Variants in NEIL3 observed in about 807,000 individuals in gnomAD.
NEIL3 encodes nei like DNA glycosylase 3.
A neutral mutation model predicts 57.5 loss-of-function variants in NEIL3; 48 were observed. The observed-to-expected ratio is 0.83, with a 90% CI of 0.66 to 1.06. The LOEUF is 1.06. NEIL3 is among the 50% of genes least tolerant of loss of function. The pLI is 0.00. For missense variants in NEIL3, 717 were observed against 739.1 expected (o/e 0.97, Z 0.35); for synonymous variants, 261 against 253.2 (o/e 1.03, Z -0.29).
intron 6 of NEIL3, 100 bp from the exon 7 acceptor site, chr4:177,351,280 G>A (rs763011252): frequency 4.3e-6 from 2 of 462,224 alleles, no homozygotes; most frequent in Non-Finnish European, 7.2e-6. Flanking sequence ...ATAATAAAGA[G>A]ATAGCATTGG....
At position 177,355,535 on chromosome 4, in the gene NEIL3, G is replaced by T. The variant is rs553554676; in HGVS notation, c.1460+1807G>T. Reference sequence around the variant, plus strand: ...TTATTTTTTGTTTCCAAATATTTTCGATCCAAGGTTGGTTGAATTCATGGA... The same window carrying T: ...TTATTTTTTGTTTCCAAATATTTTCTATCCAAGGTTGGTTGAATTCATGGA... On this transcript the variant is annotated intron_variant, in intron 8 of 9. Transcript: ENST00000264596. Among the ~76,000 whole-genome samples, 7 of 151,700 alleles carry T rather than the reference G, an allele frequency of 4.6e-5. No homozygotes were observed. In the South Asian group the frequency reaches 8.3e-4, roughly 18 times the overall value.
In NEIL3 at chr4:177,320,579, G is replaced by A. The variant is rs1578987935; in HGVS notation, c.157-1880G>A. 2.2e-5 allele frequency among the ~76,000 whole-genome samples: 3 copies of A among 139,432 alleles called. No individual in the cohort carries two copies. In the East Asian group the frequency reaches 7.3e-4, roughly 34 times the overall value. 91.5% of individuals were successfully genotyped at this position (139,432 alleles called of 152,430 possible). A position where few individuals can be genotyped will look rare whatever the true frequency, so the allele number is the denominator to read the frequency against. ...TGCAAGCTCCACCTCCAGGGTTCACGCCATTCTCCTGACTCAGCCTCCCGA... is the reference window on the plus strand; with the variant it reads ...TGCAAGCTCCACCTCCAGGGTTCACACCATTCTCCTGACTCAGCCTCCCGA... On this transcript the variant is annotated intron_variant, in intron 1 of 9. Transcript: ENST00000264596.
rs112445211 is a variant in NEIL3, at chr4:177,331,143, A to G, written c.279-4545A>G. 8.8e-3 allele frequency among the ~76,000 whole-genome samples: 1,334 copies of G among 152,310 alleles called. 19 individuals carry two copies. The highest frequency in any genetic ancestry group is 0.03 in the African/African-American group (1,266 of 41,574). On this transcript the variant is annotated intron_variant, in intron 2 of 9. Coordinates refer to ENST00000264596, the MANE Select transcript of NEIL3 (RefSeq NM_018248.3). The stretch of plus-strand genomic sequence containing the variant: ...AAAGTAAAAATATGAGTTATTTTCT[A>G]TGTTTTAAATAAGTTGAGTTGATAG...
At position 177,309,940 on chromosome 4, in the gene NEIL3, T is replaced by C; in HGVS notation, c.-14T>C. 2 of 1,604,576 alleles carry C rather than the reference T, an allele frequency of 1.2e-6. No individual in the cohort carries two copies. Among genetic ancestry groups the C allele is most frequent in the Non-Finnish European group, 1.7e-6 (2 of 1,176,202 alleles). On this transcript the variant is annotated 5_prime_UTR_variant, in exon 1 of 10. Transcript: ENST00000264596. ...AGGCCCTGCAATCGGTGGGCCACAG[T>C]GCCGGCCACAGAGATGGTGGAAGGA...
rs34155910 is a variant in NEIL3 at position 177,340,975 on chromosome 4, GA to G, written c.703-492del. Among the ~76,000 whole-genome samples, 41 of 149,528 alleles carry G rather than the reference GA, an allele frequency of 2.7e-4. 1 individual carries two copies. The highest frequency in any genetic ancestry group is 1.7e-3 in the South Asian group (8 of 4,756). On this transcript the variant is annotated intron_variant, in intron 5 of 9. Transcript: ENST00000264596. ...TTAATGAATCTCTAAGGTTAAAAAGGAAAAAAAAATCCTTTTTCAGGTCAAC... is the reference window on the plus strand; with the variant it reads ...TTAATGAATCTCTAAGGTTAAAAAGGAAAAAAAATCCTTTTTCAGGTCAAC...
the NEIL3 span, among the ~76,000 whole-genome samples, chr4:177,370,756 T>C: frequency 6.6e-6 from 1 of 151,594 alleles, no homozygotes; most frequent in Non-Finnish European, 1.5e-5. Flanking sequence ...CAAAAACTAG[T>C]CTGGTGTGGT....
chr4:177,337,975 C>T (rs995965927), intron 4 of NEIL3, among the ~76,000 whole-genome samples: 7 of 152,076 alleles, frequency 4.6e-5, no homozygotes, highest in African/African-American at 1.4e-4. Flanking sequence ...GCAGAGATCA[C>T]GCCACTGCAC....
chr4:177,348,972 A>T (rs1208406528), intron 6 of NEIL3, among the ~76,000 whole-genome samples: 1 of 138,552 alleles, frequency 7.2e-6, no homozygotes, highest in Non-Finnish European at 1.5e-5. Context: ...GGTTCACGCC[A>T]TTCTCCTGCC....
At chr4:177,342,477 A>G (rs945854183) in intron 6 of NEIL3, among the ~76,000 whole-genome samples, 1 of 152,176 alleles carries the variant, frequency 6.6e-6, no homozygotes, top group Non-Finnish European at 1.5e-5. Context: ...GCAGCTGCAT[A>G]GCAGTATATG....
intron 2 of NEIL3, among the ~76,000 whole-genome samples, chr4:177,324,851 A>G (rs1297294368): frequency 1.3e-5 from 2 of 152,162 alleles, no homozygotes; most frequent in Non-Finnish European, 2.9e-5. Flanking sequence ...AGTGTGTGCG[A>G]ATGTTTATAT....
intron 6 of NEIL3, among the ~76,000 whole-genome samples, chr4:177,347,097 G>A (rs17064668): frequency 6.6e-6 from 1 of 152,030 alleles, no homozygotes; most frequent in Non-Finnish European, 1.5e-5. Context: ...TCAAGAACAT[G>A]AGCCACAGTA....
chr4:177,370,512 A>G, the NEIL3 span, among the ~76,000 whole-genome samples: 2 of 152,204 alleles, frequency 1.3e-5, no homozygotes, highest in African/African-American at 4.8e-5. Flanking sequence ...AACAGCAGAG[A>G]ATGGAAGAAA....
chr4:177,361,207 T>C (rs1735601975), intron 9 of NEIL3, among the ~76,000 whole-genome samples: 1 of 152,214 alleles, frequency 6.6e-6, no homozygotes, highest in Non-Finnish European at 1.5e-5. Context: ...TTCCAGTCTG[T>C]GGATGTATCC....
At chr4:177,370,691 A>G in the NEIL3 span, among the ~76,000 whole-genome samples, 2 of 152,176 alleles carry the variant, frequency 1.3e-5, no homozygotes, top group Non-Finnish European at 1.5e-5. Context: ...ACTTGAGGTC[A>G]GGAGTTTGAG....
intron 8 of NEIL3, among the ~76,000 whole-genome samples, chr4:177,355,410 A>T (rs1038260402): frequency 7.9e-5 from 12 of 152,204 alleles, no homozygotes; most frequent in African/African-American, 2.9e-4. Context: ...TCATATATTT[A>T]ACTCATCTCT....
intron 6 of NEIL3, among the ~76,000 whole-genome samples, chr4:177,346,746 T>TA (rs2110920607): frequency 6.6e-6 from 1 of 152,274 alleles, no homozygotes; most frequent in South Asian, 2.1e-4. Context: ...CTCACATCTG[T>TA]AATCCCAGTA....
At chr4:177,349,750 A>G (rs1172524937) in intron 6 of NEIL3, among the ~76,000 whole-genome samples, 1 of 152,214 alleles carries the variant, frequency 6.6e-6, no homozygotes, top group Non-Finnish European at 1.5e-5. Context: ...TGATTAAGAA[A>G]TAGAGCAGTA....
intron 5 of NEIL3, among the ~76,000 whole-genome samples, 164 bp from the exon 6 acceptor site, chr4:177,341,312 A>G (rs1393148965): frequency 6.6e-6 from 1 of 152,216 alleles, no homozygotes; most frequent in Admixed American, 6.5e-5. Context: ...AATCTTGTCA[A>G]TACCTTTTTC....
rs749391559 is a variant in NEIL3, at chr4:177,348,858, ATTTTTTTT to A, written c.870-2502_870-2495del. On this transcript the variant is annotated intron_variant, in intron 6 of 9. Coordinates refer to ENST00000264596, the MANE Select transcript of NEIL3 (RefSeq NM_018248.3). Reference sequence around the variant, plus strand: ...AGAATTGCAGATTGGTGGCTCATGAATTTTTTTTTTTTTTTTTTTTTTTTTTTGACACG... The same window carrying A: ...AGAATTGCAGATTGGTGGCTCATGAATTTTTTTTTTTTTTTTTTTGACACG... Among the ~76,000 whole-genome samples the A allele has an allele frequency of 6.7e-3, 497 of 73,748 alleles. 8 individuals are homozygous for A. Among genetic ancestry groups the A allele is most frequent in the African/African-American group, 0.028 (459 of 16,582 alleles). 48.4% of individuals were successfully genotyped at this position (73,748 alleles called of 152,430 possible).
Sources: gnomAD v4.1 joint callset for allele counts (sites outside exome capture counted in the v4.1 genomes callset) on GRCh38, gnomAD v4.1.1 for gene constraint, MANE v1.5 for transcripts, NCBI Gene and HGNC (gene_info 2026-07-23, HGNC 2026-07-21) for gene names.